The following CDCP2 variants were observed in gnomAD, a reference collection of about 807,000 sequenced individuals.
CDCP2 encodes the protein CUB domain-containing protein 2.
In CDCP2, 31 loss-of-function variants were observed where a neutral mutation model predicts 31.0. The observed-to-expected ratio is 1.00, with a 90% confidence interval of 0.75 to 1.35. CDCP2 has a LOEUF of 1.35. CDCP2 is among the 40% of genes most tolerant of loss of function. The pLI, the probability that CDCP2 is intolerant of heterozygous loss-of-function variation, is 0.00. For missense variants in CDCP2, 443 were observed against 482.6 expected, an observed-to-expected ratio of 0.92 and a Z score of 0.77; for synonymous variants, 206 against 207.9, an observed-to-expected ratio of 0.99 and a Z score of 0.08.
chr1:54,148,736 C>T (rs581554), intron 1 of CDCP2, among the ~76,000 whole-genome samples: 43,401 of 150,914 alleles, frequency 0.29, 6,924 homozygotes, highest in African/African-American at 0.4. Context: ...AACTGTTGTA[C>T]TAAAAGAGTC....
At chr1:54,140,871 A>G (rs968929286) in intron 3 of CDCP2, 2 of 424,092 alleles carry the variant, frequency 4.7e-6, no homozygotes, top group Non-Finnish European at 8.4e-6. Context: ...AAACTTATAT[A>G]AGGAGTTGAA....
chr1:54,147,020 G>A (rs1659483397), intron 1 of CDCP2, among the ~76,000 whole-genome samples: 1 of 140,402 alleles, frequency 7.1e-6, no homozygotes, highest in Non-Finnish European at 1.5e-5. Flanking sequence ...AGTTTGCAGT[G>A]AGCTGAGATT....
chr1:54,150,305 T>G (rs1319252060), intron 1 of CDCP2, among the ~76,000 whole-genome samples: 1 of 152,110 alleles, frequency 6.6e-6, no homozygotes, highest in Non-Finnish European at 1.5e-5. Flanking sequence ...TTTTAGAAAA[T>G]TATTAACGGC....
At chr1:54,135,184 TG>T (rs898530625) in intron 5 of CDCP2, among the ~76,000 whole-genome samples, 1 of 41,920 alleles carries the variant, frequency 2.4e-5, no homozygotes, top group Non-Finnish European at 4.6e-5. Context: ...AATCAGAGAA[TG>T]GGGGTGGGGG....
At chr1:54,147,909 G>A (rs1659503660) in intron 1 of CDCP2, among the ~76,000 whole-genome samples, 1 of 151,548 alleles carries the variant, frequency 6.6e-6, no homozygotes, top group African/African-American at 2.4e-5. Flanking sequence ...CTGCTTGGGA[G>A]GCTGAGGCAG....
At chr1:54,141,424 C>T (rs1216437501) in exon 3 of CDCP2, 2 of 1,603,658 alleles carry the variant, frequency 1.2e-6, no homozygotes, top group Middle Eastern at 1.7e-4. Context: ...CAGGACGCCG[C>T]CACACACATC....
chr1:54,139,501 G>T, intron 4 of CDCP2: 1 of 1,596,434 alleles, frequency 6.3e-7, no homozygotes, highest in Non-Finnish European at 8.6e-7. Flanking sequence ...CAGATGGGGA[G>T]GGGTGAGGAC....
exon 4 of CDCP2, chr1:54,139,916 A>G (rs1468000173): frequency 5.0e-6 from 8 of 1,614,042 alleles, no homozygotes; most frequent in South Asian, 2.2e-5. Context: ...AGGCCGCCAG[A>G]TGGTCAAAGT....
At chr1:54,148,541 A>AG (rs1228594196) in intron 1 of CDCP2, among the ~76,000 whole-genome samples, 1 of 151,778 alleles carries the variant, frequency 6.6e-6, no homozygotes, top group Admixed American at 6.6e-5. Flanking sequence ...GAAAAAAAAA[A>AG]ATGAAGAAAT....
chr1:54,144,865 A>G (rs2100428408), intron 1 of CDCP2, 52 bp from the exon 2 acceptor site: 3 of 1,444,960 alleles, frequency 2.1e-6, no homozygotes, highest in African/African-American at 2.8e-5. Context: ...TCTTGGGTAC[A>G]TGTGGTAAGG....
intron 4 of CDCP2, chr1:54,139,447 C>G (rs768541722): frequency 3.7e-4 from 449 of 1,201,798 alleles, no homozygotes; most frequent in Non-Finnish European, 4.4e-4. Flanking sequence ...ATACAGGGGA[C>G]CAATAACAAC....
chr1:54,143,868 G>T (rs1659414868), intron 2 of CDCP2: 1 of 152,294 alleles, frequency 6.6e-6, no homozygotes, highest in South Asian at 2.1e-4. Flanking sequence ...ACTAGACTGA[G>T]AGGCAGGTGT....
chr1:54,137,113 TA>T (rs1377828222), intron 4 of CDCP2, among the ~76,000 whole-genome samples: 1 of 152,230 alleles, frequency 6.6e-6, no homozygotes, highest in Admixed American at 6.5e-5. Flanking sequence ...ATGTTCTTAA[TA>T]ATTATAAAAA....
intron 1 of CDCP2, among the ~76,000 whole-genome samples, chr1:54,151,472 A>G (rs991772199): frequency 6.6e-5 from 10 of 152,236 alleles, no homozygotes. Context: ...CCTACAGCCC[A>G]GGTGGCTCCA....
At position 54,148,245 on chromosome 1, in the gene CDCP2, T is replaced by TA. The variant is rs1659509860; in HGVS notation, c.80-3433dup. On this transcript the variant is annotated intron_variant, in intron 1 of 5. Coordinates refer to ENST00000530059, the Ensembl canonical transcript of CDCP2. ...CCAGGCAAATAAAAATTTTTATAAT[T>TA]AAAAATATATAGCCAGGTGTCCTCA... Among the ~76,000 whole-genome samples the TA allele has an allele frequency of 4.0e-5, 6 of 148,600 alleles. No individual in the cohort carries two copies. The South Asian group carries it at 1.3e-3, about 31-fold the overall frequency.
In CDCP2 at chr1:54,136,781, C is replaced by T. The variant is rs116708721; in HGVS notation, c.1145G>A (p.Arg382His). 3.3e-3 allele frequency: 1,307 copies of T among 399,182 alleles called. 17 individuals are homozygous for T. The highest frequency in any genetic ancestry group is 0.025 in the African/African-American group (1,199 of 48,744). The allele number at this position is 399,182 out of a possible 1,614,324, so 24.7% of individuals were successfully genotyped here. ...GGAGATCAGGATCTGGAAGTCCGTG[C>T]GGGAGCAGCTCACGTTCATGGGCAC... The change falls in exon 5 of 6, where the codon CGC (arginine) becomes CAC (histidine). Residue 382 changes from arginine (R) to histidine (H), a missense_variant. Arg to His is a conservative substitution (Grantham distance 29). Transcript: ENST00000530059.
At chr1:54,147,075 CAAAAAAAAAAAAA>C (rs71066904) in intron 1 of CDCP2, among the ~76,000 whole-genome samples, 8 of 56,874 alleles carry the variant, frequency 1.4e-4, no homozygotes, top group Admixed American at 6.1e-4. Context: ...GACTCCATCT[CAAAAAAAAAAAAA>C]AAAAAAAAAA....
intron 1 of CDCP2, among the ~76,000 whole-genome samples, chr1:54,149,917 G>A (rs1468113185): frequency 6.6e-6 from 1 of 152,234 alleles, no homozygotes; most frequent in East Asian, 1.9e-4. Flanking sequence ...AGAAAACTGA[G>A]CCCGGGAAAG....
At chr1:54,145,638 GT>G (rs1441552510) in intron 1 of CDCP2, among the ~76,000 whole-genome samples, 4 of 152,092 alleles carry the variant, frequency 2.6e-5, no homozygotes, top group Non-Finnish European at 4.4e-5. Context: ...AAGTGAAAAT[GT>G]GCACAGTCTA....
Sources: allele counts gnomAD v4.1 joint callset (sites outside exome capture counted in the v4.1 genomes callset), GRCh38; gene constraint gnomAD v4.1.1; transcripts MANE v1.5; gene names NCBI Gene and HGNC (gene_info 2026-07-23, HGNC 2026-07-21).